The following CTNND2 variants were observed in gnomAD, a reference collection of about 807,000 sequenced individuals.
CTNND2 encodes the protein catenin delta 2.
In CTNND2, 22 loss-of-function variants were observed where a neutral mutation model predicts 144.4. That is an observed-to-expected ratio of 0.15 (90% CI 0.11 to 0.22). The LOEUF (loss-of-function observed/expected upper bound fraction) is 0.22. Among genes scored for constraint, CTNND2 ranks in the 10% least tolerant of loss-of-function variants. The pLI is 1.00. For synonymous variants in CTNND2, 751 were observed against 695.6 expected (o/e 1.08, Z -1.25); for missense variants, 1,353 against 1,618.8 (o/e 0.84, Z 2.82).
intron 18 of CTNND2, among the ~76,000 whole-genome samples, chr5:11,010,182 C>T (rs1013639965): frequency 2.6e-5 from 4 of 152,168 alleles, no homozygotes; most frequent in Admixed American, 2.6e-4. Flanking sequence ...TTTTCCAGCA[C>T]AGTAGGAAGA....
At chr5:11,280,769 G>A (rs1050872053) in intron 9 of CTNND2, among the ~76,000 whole-genome samples, 1 of 152,134 alleles carries the variant, frequency 6.6e-6, no homozygotes. Flanking sequence ...GTTTTGTCCT[G>A]TGGGCCTCTT....
Position 11,381,958 on chromosome 5 carries a change from C to A in CTNND2, c.1177+2707G>T, listed in dbSNP as rs186344324. ...CTCTAGCCTGGGTGACAGAGAGAGACTCTGTCTCAAAAAAACAAAAAAACA... is the reference window on the plus strand; with the variant it reads ...CTCTAGCCTGGGTGACAGAGAGAGAATCTGTCTCAAAAAAACAAAAAAACA... On this transcript the variant is annotated intron_variant, in intron 7 of 21. Coordinates refer to ENST00000304623, the MANE Select transcript of CTNND2 (RefSeq NM_001332.4). 8.9e-3 allele frequency among the ~76,000 whole-genome samples: 1,355 copies of A among 151,664 alleles called. 9 individuals are homozygous for A. Among genetic ancestry groups the A allele is most frequent in the South Asian group, 0.011 (53 of 4,754 alleles).
At chr5:11,240,274 A>AAC (rs766686380) in intron 9 of CTNND2, among the ~76,000 whole-genome samples, 9 of 119,350 alleles carry the variant, frequency 7.5e-5, no homozygotes, top group East Asian at 2.5e-4. Context: ...ACACACACCC[A>AAC]ACACACACAC....
At chr5:11,204,987 C>A (rs980861009) in intron 10 of CTNND2, among the ~76,000 whole-genome samples, 18 of 152,132 alleles carry the variant, frequency 1.2e-4, no homozygotes, top group African/African-American at 4.3e-4. Context: ...CTTTTGTCAA[C>A]CTATTATTTG....
chr5:11,598,179 C>T (rs558340339), intron 2 of CTNND2, among the ~76,000 whole-genome samples: 2 of 152,226 alleles, frequency 1.3e-5, no homozygotes, highest in African/African-American at 2.4e-5. Context: ...TGTTTGTGTT[C>T]TTAACCACTA....
At chr5:11,087,644 C>G (rs911428773) in intron 15 of CTNND2, among the ~76,000 whole-genome samples, 1 of 152,170 alleles carries the variant, frequency 6.6e-6, no homozygotes, top group African/African-American at 2.4e-5. Context: ...ACTGGTATCT[C>G]TAGTCAAGAT....
intron 2 of CTNND2, among the ~76,000 whole-genome samples, chr5:11,574,321 C>T (rs1777804333): frequency 6.6e-6 from 1 of 152,076 alleles, no homozygotes. Context: ...ATAAGGTAGG[C>T]ATTTGATTGT....
At chr5:11,412,509 T>A (rs1761623211) in intron 3 of CTNND2, among the ~76,000 whole-genome samples, 1 of 152,144 alleles carries the variant, frequency 6.6e-6, no homozygotes, top group South Asian at 2.1e-4. Context: ...AGCCATATCA[T>A]ATTAAAATTT....
At chr5:11,759,600 A>T (rs543460818) in intron 1 of CTNND2, among the ~76,000 whole-genome samples, 5 of 152,254 alleles carry the variant, frequency 3.3e-5, no homozygotes, top group African/African-American at 9.6e-5. Flanking sequence ...ATAAAAATGC[A>T]TATCAGTGTC....
intron 16 of CTNND2, among the ~76,000 whole-genome samples, chr5:11,035,605 G>A (rs1743984058): frequency 6.6e-6 from 1 of 152,198 alleles, no homozygotes; most frequent in Admixed American, 6.5e-5. Flanking sequence ...GGACATCTTT[G>A]GGAGGACATT....
At chr5:11,586,383 A>C (rs929719814) in intron 2 of CTNND2, among the ~76,000 whole-genome samples, 2 of 152,228 alleles carry the variant, frequency 1.3e-5, no homozygotes, top group African/African-American at 2.4e-5. Context: ...GTGGCAATTC[A>C]ATATTTAGAA....
intron 2 of CTNND2, among the ~76,000 whole-genome samples, chr5:11,574,339 A>C (rs553343945): frequency 6.6e-6 from 1 of 152,282 alleles, no homozygotes; most frequent in Admixed American, 6.5e-5. Flanking sequence ...TGTCGGGGAC[A>C]TCTCAGACTT....
intron 3 of CTNND2, among the ~76,000 whole-genome samples, chr5:11,527,944 C>A (rs545888960): frequency 1.6e-4 from 24 of 152,178 alleles, no homozygotes; most frequent in African/African-American, 5.3e-4. Context: ...TTTTTCCAAA[C>A]AGATTTAAAC....
At chr5:11,153,854 A>G (rs1232845686) in intron 12 of CTNND2, among the ~76,000 whole-genome samples, 3 of 152,234 alleles carry the variant, frequency 2.0e-5, no homozygotes, top group Non-Finnish European at 4.4e-5. Context: ...AGCCTTATGC[A>G]CATACTTCAG....
chr5:11,254,519 T>C (rs892969891), intron 9 of CTNND2, among the ~76,000 whole-genome samples: 5 of 152,156 alleles, frequency 3.3e-5, no homozygotes, highest in Non-Finnish European at 5.9e-5. Context: ...TGACTCCATT[T>C]GAATAGGTAT....
In CTNND2 at chr5:11,048,898, A is replaced by AC. The variant is rs552569638; in HGVS notation, c.2789-25920dup. Among the ~76,000 whole-genome samples, 91 of 152,310 alleles carry AC rather than the reference A, an allele frequency of 6.0e-4. 1 individual carries two copies. The highest frequency in any genetic ancestry group is 2.1e-3 in the African/African-American group (88 of 41,566). ...TGGCACTGTTGATATTTTGGGCTGG[A>AC]CCATGCTGTGTTGTGAGGCTGTCCC... On this transcript the variant is annotated intron_variant, in intron 16 of 21. Transcript: ENST00000304623.
intron 1 of CTNND2, among the ~76,000 whole-genome samples, chr5:11,769,050 T>C (rs1245375598): frequency 4.6e-5 from 7 of 152,230 alleles, no homozygotes. Context: ...TCAGTGGTTC[T>C]CAAACTTCAA....
At chr5:11,809,646 C>T (rs770487609) in intron 1 of CTNND2, among the ~76,000 whole-genome samples, 2 of 152,188 alleles carry the variant, frequency 1.3e-5, no homozygotes, top group Non-Finnish European at 2.9e-5. Flanking sequence ...ATTGATTTAT[C>T]ACCAGGCATA....
rs569800281 is a variant in CTNND2, at chr5:11,326,496, T to C, written c.1628+19876A>G. On this transcript the variant is annotated intron_variant, in intron 9 of 21. Coordinates refer to ENST00000304623, the MANE Select transcript of CTNND2 (RefSeq NM_001332.4). ...CCCCTCACCCCTGGGACACACCATC[T>C]CAGCCTGAAAGCCACTGATCTACAA... Among the ~76,000 whole-genome samples the C allele has an allele frequency of 3.9e-5, 6 of 152,218 alleles. No homozygotes were observed. In the East Asian group the frequency reaches 1.2e-3, roughly 29 times the overall value.
Sources: gnomAD v4.1 joint callset for allele counts (sites outside exome capture counted in the v4.1 genomes callset) on GRCh38, gnomAD v4.1.1 for gene constraint, MANE v1.5 for transcripts, NCBI Gene and HGNC (gene_info 2026-07-23, HGNC 2026-07-21) for gene names.